The following NPAS2 variants were observed in gnomAD, a reference collection of about 807,000 sequenced individuals.
The protein encoded by NPAS2 is neuronal PAS domain-containing protein 2.
A neutral mutation model predicts 107.5 loss-of-function variants in NPAS2; 23 were observed. The ratio of observed to expected loss-of-function variants is 0.21; its 90% confidence interval spans 0.15 to 0.30. NPAS2 has a LOEUF of 0.30. NPAS2 is among the 10% of genes least tolerant of loss of function. The pLI is 1.00. For synonymous variants in NPAS2, 403 were observed against 417.5 expected (o/e 0.97, Z 0.42); for missense variants, 756 against 1,043.3 (o/e 0.72, Z 3.79).
chr2:100,819,814 C>A (rs991998149), upstream of NPAS2, among the ~76,000 whole-genome samples: 2 of 152,012 alleles, frequency 1.3e-5, no homozygotes, highest in African/African-American at 2.4e-5. The surrounding 1 kb of genome is among the most constrained non-coding windows in gnomAD (Gnocchi z 5.8). Flanking sequence ...CCAGCCCCGG[C>A]GCCCAACCCC....
At position 100,995,853 on chromosome 2, in the gene NPAS2, T is replaced by C. The variant is rs769366743; in HGVS notation, c.*271T>C. 7 of 1,513,682 alleles carry C rather than the reference T, an allele frequency of 4.6e-6. No individual in the cohort carries two copies. The highest frequency in any genetic ancestry group is 6.2e-6 in the Non-Finnish European group (7 of 1,124,034). The allele number at this position is 1,513,682 out of a possible 1,614,324, so 93.8% of individuals were successfully genotyped here. The stretch of plus-strand genomic sequence containing the variant: ...AGGAACCAGGTGCCCCGTGTAGGCA[T>C]CGTCGGTCGGTTTGCCGTCAGAGAT... On this transcript the variant is annotated 3_prime_UTR_variant, in exon 21 of 21. Coordinates refer to ENST00000335681, the MANE Select transcript of NPAS2 (RefSeq NM_002518.4).
rs1300941241 is a variant in NPAS2 at position 100,996,534 on chromosome 2, G to A, written c.*952G>A. On this transcript the variant is annotated 3_prime_UTR_variant, in exon 21 of 21. Coordinates refer to ENST00000335681, the MANE Select transcript of NPAS2 (RefSeq NM_002518.4). ...TGCATCTTTCTACATATCTTCATGA[G>A]AATACTGAGAATTGGATTTTCCTTT... is the stretch of plus-strand genomic sequence containing the variant. 1 of 152,614 alleles carries A rather than the reference G, an allele frequency of 6.6e-6. No homozygotes were observed. Among genetic ancestry groups the A allele is most frequent in the African/African-American group, 2.4e-5 (1 of 41,442 alleles). The allele number at this position is 152,614 out of a possible 1,614,324, so 9.5% of individuals were successfully genotyped here.
intron 2 of NPAS2, among the ~76,000 whole-genome samples, chr2:100,907,511 CA>C (rs2104790480): frequency 6.6e-6 from 1 of 151,710 alleles, no homozygotes; most frequent in African/African-American, 2.4e-5. Context: ...CACACACACA[CA>C]CACACACACA....
chr2:100,832,914 G>A (rs1676833549), intron 1 of NPAS2, among the ~76,000 whole-genome samples: 2 of 152,132 alleles, frequency 1.3e-5, no homozygotes, highest in African/African-American at 4.8e-5. Flanking sequence ...TCTCTATGAA[G>A]CAACGGCATC....
intron 10 of NPAS2, among the ~76,000 whole-genome samples, chr2:100,966,675 G>C (rs1034953588): frequency 6.7e-6 from 1 of 148,510 alleles, no homozygotes; most frequent in Non-Finnish European, 1.5e-5. Context: ...CTCACTGCAA[G>C]CTTCACCTTC....
chr2:100,852,987 T>C (rs1678306215), intron 1 of NPAS2, among the ~76,000 whole-genome samples: 1 of 152,230 alleles, frequency 6.6e-6, no homozygotes, highest in Non-Finnish European at 1.5e-5. Flanking sequence ...ATTAGCAAGC[T>C]GAACTTCCTA....
intron 1 of NPAS2, among the ~76,000 whole-genome samples, chr2:100,821,815 A>AC (rs1676090543): frequency 6.6e-6 from 1 of 152,206 alleles, no homozygotes; most frequent in Non-Finnish European, 1.5e-5. Context: ...TAACCCCCAA[A>AC]TAAATAGTGT....
chr2:100,836,168 T>G (rs535335846), intron 1 of NPAS2, among the ~76,000 whole-genome samples: 1 of 152,274 alleles, frequency 6.6e-6, no homozygotes, highest in South Asian at 2.1e-4. Context: ...CTGCTACCGT[T>G]TATGAAAACA....
intron 3 of NPAS2, among the ~76,000 whole-genome samples, chr2:100,931,483 C>CTTTTTT (rs10709889): frequency 1.2e-5 from 1 of 81,326 alleles, no homozygotes; most frequent in African/African-American, 5.1e-5. Flanking sequence ...TAACTCAGCT[C>CTTTTTT]TTTTTTTTTT....
rs372643635 is a variant in NPAS2, at chr2:100,968,434, G to A, written c.1055+6G>A. The A allele has an allele frequency of 4.3e-5, 69 of 1,612,802 alleles. No individual in the cohort carries two copies. Among genetic ancestry groups the A allele is most frequent in the Non-Finnish European group, 5.3e-5 (63 of 1,179,258 alleles). On this transcript the variant is annotated splice_donor_region_variant and intron_variant, in intron 11 of 20. Transcript: ENST00000335681. The surrounding 1 kb of genome is among the most constrained non-coding windows in gnomAD (Gnocchi z 5.3). Reference sequence around the variant, plus strand: ...TGCACACACTCGGTGGTCAGGTACCGCGCACGGGCAGGGGTGCGGCTGCGT... The same window carrying A: ...TGCACACACTCGGTGGTCAGGTACCACGCACGGGCAGGGGTGCGGCTGCGT...
intron 5 of NPAS2, among the ~76,000 whole-genome samples, chr2:100,942,535 CT>C (rs1472058375): frequency 6.6e-6 from 1 of 150,462 alleles, no homozygotes; most frequent in Non-Finnish European, 1.5e-5. Flanking sequence ...TTTTTTATGC[CT>C]TTTGATTTTT....
At chr2:100,878,701 C>G in intron 1 of NPAS2, 1 of 656,018 alleles carries the variant, frequency 1.5e-6, no homozygotes, top group Non-Finnish European at 1.9e-6. Context: ...TAGATTCTCA[C>G]TGATACCCAA....
chr2:100,928,246 G>A (rs1162775938), intron 3 of NPAS2, among the ~76,000 whole-genome samples: 2 of 152,066 alleles, frequency 1.3e-5, no homozygotes, highest in Admixed American at 6.5e-5. Context: ...GGATTGGAAC[G>A]AAGTGTTACA....
At chr2:100,936,543 G>A (rs1439450496) in intron 4 of NPAS2, among the ~76,000 whole-genome samples, 1 of 152,088 alleles carries the variant, frequency 6.6e-6, no homozygotes, top group African/African-American at 2.4e-5. Context: ...CCCCTCACTG[G>A]CACACCCTAG....
rs750486758 is a variant in NPAS2, at chr2:100,993,383, C to T, written c.2148C>T (p.Asp716=). Residue 716 remains aspartate, a synonymous_variant, in exon 20 of 21, where the codon GAC becomes GAT. Coordinates refer to ENST00000335681, the MANE Select transcript of NPAS2 (RefSeq NM_002518.4). ...AQSQTVFQNP[D]AHPANSSSAP... is the part of the protein sequence containing the mutation. ...GCCAGACCGTGTTTCAAAATCCAGA[C>T]GCACACCCCGCCAACAGCAGCAGCG... is the stretch of plus-strand genomic sequence containing the variant. 9.3e-6 allele frequency: 15 copies of T among 1,606,940 alleles called. No individual in the cohort carries two copies. Among genetic ancestry groups the T allele is most frequent in the South Asian group, 6.6e-5 (6 of 90,752 alleles).
At chr2:100,821,790 A>G (rs1391262258) in intron 1 of NPAS2, among the ~76,000 whole-genome samples, 1 of 152,196 alleles carries the variant, frequency 6.6e-6, no homozygotes, top group African/African-American at 2.4e-5. Context: ...CTTAAAGGAA[A>G]AAGTTAGCCA....
intron 1 of NPAS2, among the ~76,000 whole-genome samples, chr2:100,837,666 T>G (rs1266595172): frequency 6.6e-6 from 1 of 152,168 alleles, no homozygotes; most frequent in Non-Finnish European, 1.5e-5. Context: ...ACTGTCCTGT[T>G]TTGATAACTA....
chr2:100,833,289 G>C (rs1038692985), intron 1 of NPAS2, among the ~76,000 whole-genome samples: 129 of 152,196 alleles, frequency 8.5e-4, no homozygotes, highest in Non-Finnish European at 1.4e-3. Context: ...CTGTGAAAGG[G>C]AGATATTGAT....
intron 3 of NPAS2, among the ~76,000 whole-genome samples, chr2:100,932,395 A>T (rs1684015415): frequency 6.6e-6 from 1 of 152,234 alleles, no homozygotes; most frequent in Non-Finnish European, 1.5e-5. Flanking sequence ...AGCACGCTGT[A>T]TTTCAGTAAT....
Sources: allele counts gnomAD v4.1 joint callset (sites outside exome capture counted in the v4.1 genomes callset), GRCh38; gene constraint gnomAD v4.1.1; non-coding constraint Gnocchi (gnomAD v3.1); transcripts MANE v1.5; gene names NCBI Gene and HGNC (gene_info 2026-07-23, HGNC 2026-07-21).